The following PTPRK variants were observed in gnomAD, a reference collection of about 807,000 sequenced individuals.
PTPRK encodes the protein receptor-type tyrosine-protein phosphatase kappa.
PTPRK carries 75 observed loss-of-function variants against 178.0 expected under a neutral mutation model. The observed-to-expected ratio is 0.42, with a 90% CI of 0.35 to 0.51. The LOEUF is 0.51. PTPRK is among the 20% of genes least tolerant of loss of function. The pLI, the probability that PTPRK is intolerant of heterozygous loss-of-function variation, is 0.02. For synonymous variants in PTPRK, 637 were observed against 620.6 expected (o/e 1.03, Z -0.39); for missense variants, 1,441 against 1,797.8 (o/e 0.80, Z 3.59).
At chr6:128,172,224 T>C (rs1800368033) in intron 7 of PTPRK, among the ~76,000 whole-genome samples, 1 of 152,018 alleles carries the variant, frequency 6.6e-6, no homozygotes, top group Non-Finnish European at 1.5e-5. Flanking sequence ...TTTCCCTACC[T>C]TTGTTTTAAT....
chr6:128,024,690 A>C (rs1774022337), intron 13 of PTPRK, among the ~76,000 whole-genome samples: 1 of 151,930 alleles, frequency 6.6e-6, no homozygotes, highest in Admixed American at 6.6e-5. Context: ...GGCACCTATA[A>C]TCCCAGCTAC....
intron 13 of PTPRK, among the ~76,000 whole-genome samples, chr6:128,047,075 G>C (rs1778151780): frequency 6.6e-6 from 1 of 152,166 alleles, no homozygotes; most frequent in Non-Finnish European, 1.5e-5. Context: ...CAAGTAATTA[G>C]TGAATAGACC....
intron 2 of PTPRK, among the ~76,000 whole-genome samples, chr6:128,383,646 T>G (rs929053938): frequency 2.0e-5 from 3 of 152,202 alleles, no homozygotes; most frequent in Non-Finnish European, 4.4e-5. Context: ...TTTTGAGCTA[T>G]TCATAAAACA....
intron 6 of PTPRK, among the ~76,000 whole-genome samples, chr6:128,210,617 G>A (rs979012089): frequency 1.7e-4 from 26 of 152,138 alleles, no homozygotes; most frequent in Admixed American, 4.6e-4. Flanking sequence ...ATCAAGGAAG[G>A]AGGTGAGTGA....
intron 2 of PTPRK, among the ~76,000 whole-genome samples, chr6:128,326,102 A>G (rs903624749): frequency 6.6e-6 from 1 of 152,166 alleles, no homozygotes; most frequent in African/African-American, 2.4e-5. Context: ...TCTCACTCAT[A>G]AGTGGGAACT....
chr6:128,388,670 G>A (rs573948697), intron 2 of PTPRK, among the ~76,000 whole-genome samples: 1 of 152,156 alleles, frequency 6.6e-6, no homozygotes, highest in Non-Finnish European at 1.5e-5. Context: ...CCTTTCCCAA[G>A]ACATAAAACC....
chr6:128,457,858 C>A (rs941312126), intron 1 of PTPRK, among the ~76,000 whole-genome samples: 3 of 152,094 alleles, frequency 2.0e-5, no homozygotes, highest in African/African-American at 7.2e-5. Context: ...TCATTTGGAA[C>A]CTCTTATTCT....
chr6:128,010,939 C>A (rs13219424), intron 13 of PTPRK, among the ~76,000 whole-genome samples: 2 of 150,756 alleles, frequency 1.3e-5, no homozygotes, highest in Non-Finnish European at 3.0e-5. Context: ...AACAGAGATA[C>A]CTTAAGGCTT....
At chr6:128,393,385 G>T (rs1015725850) in intron 2 of PTPRK, among the ~76,000 whole-genome samples, 1 of 152,010 alleles carries the variant, frequency 6.6e-6, no homozygotes, top group Non-Finnish European at 1.5e-5. Flanking sequence ...CACCACGCCC[G>T]GCTGTTCATA....
At chr6:128,382,799 A>G (rs1358268837) in intron 2 of PTPRK, among the ~76,000 whole-genome samples, 1 of 151,980 alleles carries the variant, frequency 6.6e-6, no homozygotes, top group East Asian at 1.9e-4. Flanking sequence ...CACTCTAATG[A>G]TTTCTTGGGA....
chr6:128,459,658 G>A (rs1446190552), intron 1 of PTPRK, among the ~76,000 whole-genome samples: 2 of 152,126 alleles, frequency 1.3e-5, no homozygotes, highest in East Asian at 3.8e-4. Context: ...TTCATGGGCT[G>A]CCATTTCTAA....
At chr6:128,220,180 T>C (rs1810133426) in intron 5 of PTPRK, among the ~76,000 whole-genome samples, 1 of 151,984 alleles carries the variant, frequency 6.6e-6, no homozygotes, top group African/African-American at 2.4e-5. Context: ...AAAAAACAAG[T>C]CACAAATAGT....
intron 3 of PTPRK, among the ~76,000 whole-genome samples, chr6:128,297,220 T>C (rs1426025148): frequency 6.6e-6 from 1 of 152,036 alleles, no homozygotes; most frequent in African/African-American, 2.4e-5. Context: ...CCCAGATTCA[T>C]AAAGCAAGTC....
In PTPRK at chr6:128,488,145, A is replaced by G. The variant is rs185907396; in HGVS notation, c.100+32114T>C. ...CAGATCTGAGAGCCCCTGGCAAATC[A>G]CTGGTGCAGGTCCAAGAGTCCAAAA... is the stretch of plus-strand genomic sequence containing the variant. On this transcript the variant is annotated intron_variant, in intron 1 of 29. Coordinates refer to ENST00000368226, the MANE Select transcript of PTPRK (RefSeq NM_002844.4). Among the ~76,000 whole-genome samples, 217 of 152,276 alleles carry G rather than the reference A, an allele frequency of 1.4e-3. 4 individuals carry two copies. Among genetic ancestry groups the G allele is most frequent in the Admixed American group, 0.014 (212 of 15,302 alleles).
intron 13 of PTPRK, among the ~76,000 whole-genome samples, chr6:128,041,412 AC>A (rs1489157766): frequency 6.6e-6 from 1 of 152,056 alleles, no homozygotes; most frequent in African/African-American, 2.4e-5. Flanking sequence ...GATAAAGAAT[AC>A]TTTGTTTGTC....
Position 128,322,150 on chromosome 6 carries a change from C to G in PTPRK, c.384G>C (p.Arg128Ser). ...GATTGGCAAGAGGTCCTTTATTCACCCTAACTAATATGTTCAAAGTGCCAG... is the reference window on the plus strand; with the variant it reads ...GATTGGCAAGAGGTCCTTTATTCACGCTAACTAATATGTTCAAAGTGCCAG... The part of the protein sequence containing the change: ...LNPGTLNILV[R>S]VNKGPLANPI... Residue 128 changes from arginine to serine, a missense_variant, in exon 3 of 30, where the codon AGG becomes AGC. Physicochemically the swap from Arg to Ser is moderately radical, Grantham distance 110. Around this residue, in one of 4 missense-constraint regions of PTPRK, gnomAD observed 158 missense variants for 188.0 expected, o/e 0.84. Coordinates refer to ENST00000368226, the MANE Select transcript of PTPRK (RefSeq NM_002844.4). The G allele has an allele frequency of 1.2e-6, 2 of 1,613,878 alleles. No homozygotes were observed. The highest frequency in any genetic ancestry group is 1.7e-6 in the Non-Finnish European group (2 of 1,179,880).
intron 13 of PTPRK, among the ~76,000 whole-genome samples, chr6:128,027,045 T>C (rs556006933): frequency 5.3e-5 from 8 of 152,172 alleles, no homozygotes; most frequent in Non-Finnish European, 1.2e-4. Context: ...CCCAGAAAAC[T>C]GGGATTCTTG....
intron 7 of PTPRK, among the ~76,000 whole-genome samples, chr6:128,157,404 G>GCACAT (rs574393267): frequency 2.0e-4 from 30 of 151,834 alleles, no homozygotes; most frequent in Non-Finnish European, 3.2e-4. Flanking sequence ...GTATTATGAA[G>GCACAT]CACATCACAG....
At chr6:128,513,581 T>G (rs146231995) in intron 1 of PTPRK, among the ~76,000 whole-genome samples, 2 of 152,106 alleles carry the variant, frequency 1.3e-5, no homozygotes, top group Non-Finnish European at 1.5e-5. Context: ...CAGGTTATCA[T>G]TAATCCTTTT....
Sources: gnomAD v4.1 joint callset for allele counts (sites outside exome capture counted in the v4.1 genomes callset) on GRCh38, gnomAD v4.1.1 for gene constraint, gnomAD v4.1.1 regional missense constraint, MANE v1.5 for transcripts, NCBI Gene and HGNC (gene_info 2026-07-23, HGNC 2026-07-21) for gene names.